GALNTL6: variants seen among roughly 807,000 people sequenced by gnomAD.
GALNTL6 encodes the protein polypeptide N-acetylgalactosaminyltransferase like 6.
In GALNTL6, 46 loss-of-function variants were observed where a neutral mutation model predicts 73.7. The ratio of observed to expected loss-of-function variants is 0.62; its 90% CI spans 0.49 to 0.80. GALNTL6 has a LOEUF of 0.80. Ranked by LOEUF, GALNTL6 falls within the 30% of genes least tolerant of loss-of-function variation. The probability of loss-of-function intolerance (pLI) is 0.00; values close to 1 mark genes in which losing one functional copy is unlikely to be tolerated. For synonymous variants in GALNTL6, 259 were observed against 263.7 expected (o/e 0.98, Z 0.17); for missense variants, 604 against 755.0 (o/e 0.80, Z 2.34).
chr4:172,436,607 C>A (rs968547125), intron 5 of GALNTL6, among the ~76,000 whole-genome samples: 5 of 152,092 alleles, frequency 3.3e-5, no homozygotes, highest in Non-Finnish European at 7.4e-5. Context: ...AACACTTAAA[C>A]CATATTCAGG....
chr4:172,687,687 A>G (rs1291654138), intron 5 of GALNTL6, among the ~76,000 whole-genome samples: 3 of 151,892 alleles, frequency 2.0e-5, no homozygotes, highest in Non-Finnish European at 4.4e-5. Flanking sequence ...GATTTCTCCA[A>G]TTTATGCATT....
chr4:172,602,641 G>A (rs889477647), intron 5 of GALNTL6, among the ~76,000 whole-genome samples: 1 of 152,036 alleles, frequency 6.6e-6, no homozygotes, highest in African/African-American at 2.4e-5. Context: ...TTGACCATTC[G>A]AATATTAAAT....
chr4:172,920,808 A>G (rs539388068), intron 8 of GALNTL6, among the ~76,000 whole-genome samples: 1 of 152,338 alleles, frequency 6.6e-6, no homozygotes, highest in South Asian at 2.1e-4. Context: ...ATATTAATAA[A>G]CCAATAACTC....
Position 172,323,616 on chromosome 4 carries a change from G to T in GALNTL6, c.386+11864G>T, listed in dbSNP as rs115040670. On this transcript the variant is annotated intron_variant, in intron 4 of 12. Transcript: ENST00000506823. ...AATAATTTGCTATCTTTCTAAACATGTCAGATCCTTTATATCGATTTTTTA... is the reference window on the plus strand; with the variant it reads ...AATAATTTGCTATCTTTCTAAACATTTCAGATCCTTTATATCGATTTTTTA... Among the ~76,000 whole-genome samples the T allele has an allele frequency of 4.9e-3, 749 of 152,200 alleles. 7 individuals carry two copies. Among genetic ancestry groups the T allele is most frequent in the African/African-American group, 0.017 (690 of 41,554 alleles).
At chr4:172,047,829 T>G (rs1742264047) in intron 2 of GALNTL6, among the ~76,000 whole-genome samples, 1 of 152,118 alleles carries the variant, frequency 6.6e-6, no homozygotes, top group South Asian at 2.1e-4. Flanking sequence ...AGGTATAGAT[T>G]GTGTAAAAGA....
intron 11 of GALNTL6, among the ~76,000 whole-genome samples, chr4:173,013,783 CAT>C (rs1404619650): frequency 6.6e-6 from 1 of 152,094 alleles, no homozygotes; most frequent in Non-Finnish European, 1.5e-5. Context: ...GAAAATGCAT[CAT>C]GTTTGAAATA....
intron 5 of GALNTL6, among the ~76,000 whole-genome samples, chr4:172,382,323 AT>A (rs1417512192): frequency 1.3e-5 from 2 of 151,710 alleles, no homozygotes; most frequent in Non-Finnish European, 2.9e-5. Flanking sequence ...GTGAGGTAGT[AT>A]TTCATTGAGG....
chr4:172,476,451 A>T (rs1733236374), intron 5 of GALNTL6, among the ~76,000 whole-genome samples: 1 of 152,232 alleles, frequency 6.6e-6, no homozygotes, highest in Non-Finnish European at 1.5e-5. Context: ...CATAGCAAAT[A>T]TGTATGTATT....
At chr4:172,569,288 G>A (rs561616001) in intron 5 of GALNTL6, among the ~76,000 whole-genome samples, 18 of 152,228 alleles carry the variant, frequency 1.2e-4, no homozygotes, top group African/African-American at 3.4e-4. Context: ...ATGATGGAAA[G>A]GGCAAGGGAG....
chr4:173,016,040 A>T (rs1192849594), intron 11 of GALNTL6, among the ~76,000 whole-genome samples: 1 of 152,228 alleles, frequency 6.6e-6, no homozygotes, highest in Non-Finnish European at 1.5e-5. Context: ...AGAGGGTGCA[A>T]GCCCCAAGCC....
chr4:172,430,092 C>T (rs995727621), intron 5 of GALNTL6, among the ~76,000 whole-genome samples: 3 of 150,728 alleles, frequency 2.0e-5, no homozygotes, highest in Non-Finnish European at 3.0e-5. Context: ...TATATATATA[C>T]ATATATATAT....
chr4:172,034,887 A>T (rs1741887777), intron 2 of GALNTL6, among the ~76,000 whole-genome samples: 1 of 152,104 alleles, frequency 6.6e-6, no homozygotes, highest in Admixed American at 6.6e-5. Context: ...CATGCTGCTA[A>T]ATTTAAAGAG....
intron 2 of GALNTL6, among the ~76,000 whole-genome samples, chr4:171,908,677 A>G (rs1737376964): frequency 1.3e-5 from 2 of 150,930 alleles, no homozygotes; most frequent in Admixed American, 6.6e-5. Context: ...TCATGCTGCT[A>G]TAAAGACACA....
At chr4:172,735,803 A>G (rs893982100) in intron 5 of GALNTL6, among the ~76,000 whole-genome samples, 1 of 152,048 alleles carries the variant, frequency 6.6e-6, no homozygotes, top group African/African-American at 2.4e-5. Context: ...GTACTTTTCT[A>G]TTTTCCCTAA....
intron 2 of GALNTL6, among the ~76,000 whole-genome samples, chr4:171,956,477 C>A (rs1297494854): frequency 3.3e-5 from 5 of 152,044 alleles, no homozygotes; most frequent in Non-Finnish European, 7.4e-5. Flanking sequence ...TTGTACACAT[C>A]TTTATCAAGA....
intron 5 of GALNTL6, among the ~76,000 whole-genome samples, chr4:172,718,794 AT>A (rs968594641): frequency 1.6e-4 from 25 of 152,140 alleles, no homozygotes; most frequent in African/African-American, 5.3e-4. Context: ...TCAGTTTATT[AT>A]TTTTTAAAAT....
intron 5 of GALNTL6, among the ~76,000 whole-genome samples, chr4:172,597,823 T>C (rs1387701047): frequency 2.0e-5 from 3 of 152,170 alleles, no homozygotes; most frequent in Non-Finnish European, 2.9e-5. Context: ...AAAAAGTATA[T>C]GCTTATTCAC....
rs541115063 is a variant in GALNTL6, at chr4:172,355,981, T to G, written c.553+7292T>G. The stretch of plus-strand genomic sequence containing the variant: ...GGGCTCATGTTTTAAACTAATACTT[T>G]TAAAGGTAGAGAAAAGCATCAGGTG... On this transcript the variant is annotated intron_variant, in intron 5 of 12. Transcript: ENST00000506823. Among the ~76,000 whole-genome samples the G allele has an allele frequency of 5.0e-4, 76 of 152,248 alleles. 3 individuals are homozygous for G. The South Asian group carries it at 0.016, about 32-fold the overall frequency.
intron 5 of GALNTL6, among the ~76,000 whole-genome samples, chr4:172,349,261 T>G (rs1016234281): frequency 1.3e-5 from 2 of 152,116 alleles, no homozygotes; most frequent in Non-Finnish European, 2.9e-5. Context: ...CTTTTATAAT[T>G]TTATATTTAC....
Sources: allele counts gnomAD v4.1 joint callset (sites outside exome capture counted in the v4.1 genomes callset), GRCh38; gene constraint gnomAD v4.1.1; transcripts MANE v1.5; gene names NCBI Gene and HGNC (gene_info 2026-07-23, HGNC 2026-07-21).